Variants in MMP12 observed in about 807,000 individuals in gnomAD.
The protein encoded by MMP12 is macrophage metalloelastase.
In MMP12, 51 loss-of-function variants were observed where a neutral mutation model predicts 45.2. The ratio of observed to expected loss-of-function variants is 1.13; its 90% CI spans 0.90 to 1.42. The LOEUF is 1.42. Among genes scored for constraint, MMP12 ranks in the 40% most tolerant of loss-of-function variants. The pLI, the probability that MMP12 is intolerant of heterozygous loss-of-function variation, is 0.00. For synonymous variants in MMP12, 210 were observed against 193.3 expected, an observed-to-expected ratio of 1.09 and a Z score of -0.72; for missense variants, 530 against 570.8, an observed-to-expected ratio of 0.93 and a Z score of 0.73.
At chr11:102,872,810 G>C (rs1859524457) in intron 2 of MMP12, 55 bp downstream of exon 2, 1 of 1,586,412 alleles carries the variant, frequency 6.3e-7, no homozygotes, top group African/African-American at 1.3e-5. Flanking sequence ...GTTCAGGTTA[G>C]AAGTCAGACC....
At chr11:102,867,200 C>A in intron 6 of MMP12, 70 bp downstream of exon 6, 1 of 1,352,204 alleles carries the variant, frequency 7.4e-7, no homozygotes, top group East Asian at 2.6e-5. Context: ...AATTATTTTC[C>A]ACTGTTTTCT....
Position 102,865,956 on chromosome 11 carries a change from G to T in MMP12, c.1046-21C>A. On this transcript the variant is annotated intron_variant, in intron 7 of 9. Transcript: ENST00000571244. This position sits in a 1 kb window ranked among gnomAD's most constrained non-coding sequence, Gnocchi z 4.1. ...GTCATCTGTGAAGACAAAGAAATAG[G>T]GTAAATTTGAATTATACAGGAAGAG... The T allele has an allele frequency of 6.4e-7, 1 of 1,561,764 alleles. No homozygotes were observed. The highest frequency in any genetic ancestry group is 8.7e-7 in the Non-Finnish European group (1 of 1,146,854).
At chr11:102,869,748 CAAA>C (rs782127782) in intron 4 of MMP12, among the ~76,000 whole-genome samples, 1 of 115,168 alleles carries the variant, frequency 8.7e-6, no homozygotes, top group Non-Finnish European at 1.9e-5. Context: ...CCGTCTCTGC[CAAA>C]AAAAAAAAAA....
At chr11:102,873,729 G>A (rs958721691) in intron 1 of MMP12, among the ~76,000 whole-genome samples, 1 of 152,166 alleles carries the variant, frequency 6.6e-6, no homozygotes, top group African/African-American at 2.4e-5. Context: ...AGACAGAGGA[G>A]TTTCTCTTGG....
At chr11:102,868,834 A>C (rs1859443139) in intron 4 of MMP12, among the ~76,000 whole-genome samples, 1 of 152,224 alleles carries the variant, frequency 6.6e-6, no homozygotes, top group African/African-American at 2.4e-5. Flanking sequence ...AAAAGAGAAA[A>C]AATAAATAAT....
chr11:102,867,929 G>T lies in MMP12; in HGVS notation c.766C>A (p.Arg256Ser). Residue 256 changes from arginine (R) to serine (S), a missense_variant, in exon 5 of 10, where the codon CGT (arginine) becomes AGT (serine). By Grantham distance (110) the Arg-to-Ser change is moderately radical. Coordinates refer to ENST00000571244, the MANE Select transcript of MMP12 (RefSeq NM_002426.6). ...NTFRLSADDI[R>S]GIQSLYGDPK... ...TCACCATACAGGGACTGAATGCCAC[G>T]TATGTCATCAGCAGAGAGGCGAAAT... 1 of 1,610,214 alleles carries T rather than the reference G, an allele frequency of 6.2e-7. No homozygotes were observed. The highest frequency in any genetic ancestry group is 1.7e-4 in the Middle Eastern group (1 of 6,058).
chr11:102,865,738 C>T lies in MMP12; in HGVS notation c.1205+38G>A. On this transcript the variant is annotated intron_variant, in intron 8 of 9. Transcript: ENST00000571244. This position sits in a 1 kb window ranked among gnomAD's most constrained non-coding sequence, Gnocchi z 4.1. Reference sequence around the variant, plus strand: ...AAAGCCTCATTCCATATCTGTTTCACAATCTGAGGGGTCGAATGACCAACC... The same window carrying T: ...AAAGCCTCATTCCATATCTGTTTCATAATCTGAGGGGTCGAATGACCAACC... 6.4e-7 allele frequency: 1 copy of T among 1,557,802 alleles called. No individual in the cohort carries two copies. The highest frequency in any genetic ancestry group is 8.7e-7 in the Non-Finnish European group (1 of 1,146,962).
chr11:102,864,318 C>T (rs1490693934), intron 8 of MMP12, 66 bp from the exon 9 acceptor site: 47 of 1,039,658 alleles, frequency 4.5e-5, no homozygotes, highest in Non-Finnish European at 6.4e-5. Context: ...CACCACAAAC[C>T]CACCTTCTCT....
At chr11:102,871,004 C>G (rs1441549709) in intron 4 of MMP12, among the ~76,000 whole-genome samples, 2 of 152,126 alleles carry the variant, frequency 1.3e-5, no homozygotes, top group African/African-American at 4.8e-5. Context: ...TGCCTGCAAT[C>G]TTAACACTTT....
Position 102,866,467 on chromosome 11 carries a change from G to C in MMP12, c.912-19C>G. 1 of 1,609,018 alleles carries C rather than the reference G, an allele frequency of 6.2e-7. No homozygotes were observed. The highest frequency in any genetic ancestry group is 8.5e-7 in the Non-Finnish European group (1 of 1,177,822). On this transcript the variant is annotated intron_variant, in intron 6 of 9. Coordinates refer to ENST00000571244, the MANE Select transcript of MMP12 (RefSeq NM_002426.6). ...GAAGAACCTGACATGAAAGACATTT[G>C]ACACATGTTAAAAGACAATGTAGAC...
At chr11:102,872,113 T>C (rs1436770843) in intron 2 of MMP12, among the ~76,000 whole-genome samples, 161 bp from the exon 3 acceptor site, 4 of 152,216 alleles carry the variant, frequency 2.6e-5, no homozygotes, top group African/African-American at 7.2e-5. Flanking sequence ...ACATTTTTTC[T>C]TGGACAGCCT....
intron 4 of MMP12, among the ~76,000 whole-genome samples, chr11:102,869,881 T>G (rs986448764): frequency 6.6e-6 from 1 of 152,100 alleles, no homozygotes; most frequent in Non-Finnish European, 1.5e-5. Flanking sequence ...ATTGCACCAC[T>G]GCACTCCAGC....
chr11:102,871,336 C>T (rs1859490663), intron 4 of MMP12, among the ~76,000 whole-genome samples: 1 of 152,064 alleles, frequency 6.6e-6, no homozygotes, highest in Non-Finnish European at 1.5e-5. Context: ...TTCATAGCAT[C>T]CTCATAGATT....
chr11:102,864,232 A>G lies in MMP12; in HGVS notation c.1226T>C (p.Met409Thr). 6.2e-7 allele frequency: 1 copy of G among 1,613,612 alleles called. No individual in the cohort carries two copies. The highest frequency in any genetic ancestry group is 8.5e-7 in the Non-Finnish European group (1 of 1,179,632). ...CAGTTTGGGATAACCAGGGTCCATC[A>G]TCTGTCTCCTTTCATCATACCTGAG... is the stretch of plus-strand genomic sequence containing the variant. ...QYWRYDERRQ[M>T]MDPGYPKLIT... The change falls in exon 9 of 10, where the codon ATG (methionine) becomes ACG (threonine). Residue 409 changes from methionine (M) to threonine (T), a missense_variant. Physicochemically the swap from Met to Thr is moderately conservative, Grantham distance 81. Coordinates refer to ENST00000571244, the MANE Select transcript of MMP12 (RefSeq NM_002426.6).
intron 4 of MMP12, among the ~76,000 whole-genome samples, chr11:102,870,921 G>T (rs1555009243): frequency 6.6e-6 from 1 of 152,054 alleles, no homozygotes; most frequent in East Asian, 1.9e-4. Context: ...CTAATTGTTG[G>T]CACACACAGA....
rs1377706004 is a variant in MMP12, at chr11:102,871,612, A to G, written c.607T>C (p.Trp203Arg). The change falls in exon 4 of 10, where the codon TGG becomes CGG. Residue 203 changes from tryptophan to arginine, a missense_variant. Coordinates refer to ENST00000571244, the MANE Select transcript of MMP12 (RefSeq NM_002426.6). ...TGCCCACCTCCTGAATGTGTAGTCCAGAATTCGTCCTCATCGAAATGTGCA... is the reference window on the plus strand; with the variant it reads ...TGCCCACCTCCTGAATGTGTAGTCCGGAATTCGTCCTCATCGAAATGTGCA... ...GDAHFDEDEFWTTHSGGTNLF... is the reference protein window; with the variant it reads ...GDAHFDEDEFRTTHSGGTNLF... 4.5e-6 allele frequency: 7 copies of G among 1,556,012 alleles called. No individual in the cohort carries two copies. The highest frequency in any genetic ancestry group is 6.1e-6 in the Non-Finnish European group (7 of 1,148,996).
chr11:102,866,088 G>T (rs1158426980), intron 7 of MMP12, among the ~76,000 whole-genome samples, 153 bp from the exon 8 acceptor site: 1 of 151,784 alleles, frequency 6.6e-6, no homozygotes, highest in African/African-American at 2.4e-5. Flanking sequence ...TGGTTCCCAT[G>T]GTTTTTTTTC....
At position 102,873,670 on chromosome 11, in the gene MMP12, G is replaced by A. The variant is rs145556151; in HGVS notation, c.103-558C>T. On this transcript the variant is annotated intron_variant, in intron 1 of 9. Transcript: ENST00000571244. ...TAAACTATTAGCTAGATTTATTCCCGGAATCCCAGTGGAAGTATCTTTTTT... is the reference window on the plus strand; with the variant it reads ...TAAACTATTAGCTAGATTTATTCCCAGAATCCCAGTGGAAGTATCTTTTTT... 2.3e-3 allele frequency among the ~76,000 whole-genome samples: 344 copies of A among 152,218 alleles called. 1 individual carries two copies. Among genetic ancestry groups the A allele is most frequent in the Non-Finnish European group, 3.9e-3 (267 of 68,010 alleles).
At chr11:102,863,595 T>C (rs782650978) in intron 9 of MMP12, among the ~76,000 whole-genome samples, 5 of 152,198 alleles carry the variant, frequency 3.3e-5, no homozygotes, top group East Asian at 3.9e-4. Context: ...GGGGCTTTGA[T>C]GGAGGAAACA....
Sources: allele counts gnomAD v4.1 joint callset (sites outside exome capture counted in the v4.1 genomes callset), GRCh38; gene constraint gnomAD v4.1.1; non-coding constraint Gnocchi (gnomAD v3.1); transcripts MANE v1.5; gene names NCBI Gene and HGNC (gene_info 2026-07-23, HGNC 2026-07-21).